Variants in VIL1 observed in about 807,000 individuals in gnomAD.
VIL1 encodes villin 1.
In VIL1, 86 loss-of-function variants were observed where a neutral mutation model predicts 104.0. The observed-to-expected ratio is 0.83, with a 90% CI of 0.69 to 0.99. The LOEUF (loss-of-function observed/expected upper bound fraction) is 0.99, where lower values mean the gene tolerates loss of function less well. Ranked by LOEUF, VIL1 falls within the 50% of genes least tolerant of loss-of-function variation. The pLI, the probability that VIL1 is intolerant of heterozygous loss-of-function variation, is 0.00. For missense variants in VIL1, 944 were observed against 1,054.1 expected (o/e 0.90, Z 1.45); for synonymous variants, 394 against 412.6 (o/e 0.95, Z 0.55).
At chr2:218,442,169 T>G (rs1689295137) in intron 19 of VIL1, among the ~76,000 whole-genome samples, 1 of 152,044 alleles carries the variant, frequency 6.6e-6, no homozygotes. Flanking sequence ...GGAGGTAAAA[T>G]CAATGATATT....
chr2:218,440,389 C>T (rs1294306135), intron 18 of VIL1, among the ~76,000 whole-genome samples: 1 of 152,158 alleles, frequency 6.6e-6, no homozygotes, highest in Non-Finnish European at 1.5e-5. Flanking sequence ...CCTACCTCAG[C>T]CTCCTGAGTA....
intron 17 of VIL1, 128 bp from the exon 18 acceptor site, chr2:218,438,530 C>T: frequency 1.2e-6 from 1 of 840,310 alleles, no homozygotes; most frequent in Non-Finnish European, 1.9e-6. Flanking sequence ...CCTCAGCCTT[C>T]ATATCCTCTT....
chr2:218,421,845 G>A (rs1688902710), intron 1 of VIL1, among the ~76,000 whole-genome samples: 1 of 152,186 alleles, frequency 6.6e-6, no homozygotes, highest in South Asian at 2.1e-4. Context: ...GAATCAGCAT[G>A]TCCCTGGGTG....
chr2:218,450,681 A>C lies in VIL1; in HGVS notation c.*1345A>C, dbSNP rs566586635. On this transcript the variant is annotated 3_prime_UTR_variant, in exon 20 of 20. Transcript: ENST00000248444. ...CACAGGCCCACTATTTTTGAAGTAG[A>C]CCAGTTTAGTTGACTGTTCTTCTTT... 1 of 152,330 alleles carries C rather than the reference A, an allele frequency of 6.6e-6. No homozygotes were observed. The highest frequency in any genetic ancestry group is 1.5e-5 in the Non-Finnish European group (1 of 68,042). The allele number at this position is 152,330 out of a possible 1,614,324, so 9.4% of individuals were successfully genotyped here. A position where few individuals can be genotyped will look rare whatever the true frequency, so the allele number is the denominator to read the frequency against.
chr2:218,434,324 A>G (rs1007573102), intron 13 of VIL1, among the ~76,000 whole-genome samples: 1 of 152,172 alleles, frequency 6.6e-6, no homozygotes, highest in African/African-American at 2.4e-5. Context: ...GCTTTAGGCT[A>G]GAAGCAATGG....
intron 2 of VIL1, 87 bp from the exon 3 acceptor site, chr2:218,424,190 C>T (rs1390498258): frequency 1.6e-5 from 19 of 1,201,678 alleles, no homozygotes; most frequent in Middle Eastern, 2.1e-4. Context: ...TCTTTGTCTC[C>T]GACGCCTCCT....
At chr2:218,433,503 T>C (rs947261525) in intron 13 of VIL1, among the ~76,000 whole-genome samples, 1 of 150,572 alleles carries the variant, frequency 6.6e-6, no homozygotes, top group African/African-American at 2.4e-5. Flanking sequence ...TTTGAGAGGC[T>C]GAGGTGGGTG....
intron 1 of VIL1, among the ~76,000 whole-genome samples, chr2:218,423,366 G>C (rs1452702907): frequency 6.6e-6 from 1 of 152,178 alleles, no homozygotes; most frequent in Non-Finnish European, 1.5e-5. Context: ...CTGCACTCCA[G>C]CCTGTGCGAC....
chr2:218,426,981 C>T (rs1277868334), intron 4 of VIL1, among the ~76,000 whole-genome samples: 1 of 152,172 alleles, frequency 6.6e-6, no homozygotes, highest in Non-Finnish European at 1.5e-5. Context: ...TACTCCTGGG[C>T]TCAAGTGATT....
intron 14 of VIL1, among the ~76,000 whole-genome samples, chr2:218,435,034 C>T (rs779998709): frequency 6.6e-6 from 1 of 152,214 alleles, no homozygotes; most frequent in African/African-American, 2.4e-5. Context: ...CACTGCCTCT[C>T]CTTTGATCTC....
chr2:218,440,055 T>C (rs928528440), intron 18 of VIL1, among the ~76,000 whole-genome samples: 1 of 152,070 alleles, frequency 6.6e-6, no homozygotes, highest in Non-Finnish European at 1.5e-5. Context: ...GAAACCCTTC[T>C]TGGTGGACTG....
chr2:218,434,784 G>A, intron 14 of VIL1, 79 bp downstream of exon 14: 3 of 1,479,492 alleles, frequency 2.0e-6, no homozygotes, highest in Non-Finnish European at 2.7e-6. Flanking sequence ...CCCTAGGTCA[G>A]GGCAGGAACC....
chr2:218,440,574 T>G, intron 18 of VIL1, 148 bp from the exon 19 acceptor site: 2 of 925,834 alleles, frequency 2.2e-6, no homozygotes, highest in Non-Finnish European at 3.3e-6. Flanking sequence ...CCAGCCTATG[T>G]TGTTCTTATG....
At chr2:218,439,890 G>A (rs889451658) in intron 18 of VIL1, among the ~76,000 whole-genome samples, 2 of 151,944 alleles carry the variant, frequency 1.3e-5, no homozygotes, top group African/African-American at 4.8e-5. Context: ...CTGGGACACG[G>A]GAATATGAAA....
intron 6 of VIL1, 97 bp from the exon 7 acceptor site, chr2:218,429,188 C>G (rs1161760738): frequency 7.2e-7 from 1 of 1,391,316 alleles, no homozygotes; most frequent in Non-Finnish European, 9.9e-7. Context: ...CCTGTGGCTG[C>G]TGTAGGTGGT....
At position 218,449,252 on chromosome 2, in the gene VIL1, G is replaced by A; in HGVS notation, c.2400G>A (p.Gln800=). 1 of 1,613,942 alleles carries A rather than the reference G, an allele frequency of 6.2e-7. No homozygotes were observed. Among genetic ancestry groups the A allele is most frequent in the Non-Finnish European group, 8.5e-7 (1 of 1,179,924 alleles). The change falls in exon 20 of 20, where the codon CAG becomes CAA. Residue 800 remains glutamine, a synonymous_variant. Transcript: ENST00000248444. The part of the protein sequence containing the change: ...EEHLSIEDFT[Q]AFGMTPAAFS... Reference sequence around the variant, plus strand: ...ACCTGTCCATTGAAGATTTCACTCAGGCCTTTGGGATGACTCCAGCTGCCT... The same window carrying A: ...ACCTGTCCATTGAAGATTTCACTCAAGCCTTTGGGATGACTCCAGCTGCCT...
chr2:218,422,900 C>T (rs1294581698), intron 1 of VIL1, among the ~76,000 whole-genome samples: 1 of 152,152 alleles, frequency 6.6e-6, no homozygotes, highest in Non-Finnish European at 1.5e-5. Flanking sequence ...TGGCTGTCTG[C>T]CCTAGTTCAT....
chr2:218,434,736 C>T (rs767907570), intron 14 of VIL1, 31 bp downstream of exon 14: 38 of 1,579,618 alleles, frequency 2.4e-5, no homozygotes, highest in East Asian at 1.8e-4. Context: ...CCTCCCCATC[C>T]GCAAGTGGGT....
chr2:218,438,432 T>TA (rs1160802968), intron 17 of VIL1, among the ~76,000 whole-genome samples: 1 of 152,212 alleles, frequency 6.6e-6, no homozygotes, highest in Non-Finnish European at 1.5e-5. Flanking sequence ...CTGGGACAAA[T>TA]ATAGCCTGCG....
Sources: gnomAD v4.1 joint callset for allele counts (sites outside exome capture counted in the v4.1 genomes callset) on GRCh38, gnomAD v4.1.1 for gene constraint, MANE v1.5 for transcripts, NCBI Gene and HGNC (gene_info 2026-07-23, HGNC 2026-07-21) for gene names.